The following TOP2B variants were observed in gnomAD, a reference collection of about 807,000 sequenced individuals.
The protein encoded by TOP2B is DNA topoisomerase II beta.
In TOP2B, 51 loss-of-function variants were observed where a neutral mutation model predicts 193.5. That is an observed-to-expected ratio of 0.26 (90% CI 0.21 to 0.33). The LOEUF is 0.33. TOP2B is among the 10% of genes least tolerant of loss of function. The pLI is 1.00. For missense variants in TOP2B, 1,378 were observed against 1,909.3 expected (o/e 0.72, Z 5.19); for synonymous variants, 634 against 635.7 (o/e 1.00, Z 0.04).
At position 25,633,734 on chromosome 3, in the gene TOP2B, A is replaced by G. The variant is rs930673122; in HGVS notation, c.1026+107T>C. The stretch of plus-strand genomic sequence containing the variant: ...CATAAGTCAATTCTTATTTAACAAA[A>G]ACAGATTTGGGTTTTTTGGGGGTTG... On this transcript the variant is annotated intron_variant, in intron 8 of 35. Transcript: ENST00000264331. 12 of 957,970 alleles carry G rather than the reference A, an allele frequency of 1.3e-5. No individual in the cohort carries two copies. The African/African-American group carries it at 2.0e-4, about 16-fold the overall frequency. 59.3% of individuals were successfully genotyped at this position (957,970 alleles called of 1,614,324 possible). A position where few individuals can be genotyped will look rare whatever the true frequency, so the allele number is the denominator to read the frequency against.
In TOP2B at chr3:25,604,771, G is replaced by A; in HGVS notation, c.4478C>T (p.Ala1493Val). The change falls in exon 33 of 36, where the codon GCT (alanine) becomes GTT (valine). Residue 1493 changes from alanine to valine, a missense_variant. By Grantham distance (64) the Ala-to-Val change is moderately conservative. This residue lies in a region of TOP2B where 556 missense variants were observed against 584.2 expected (regional missense o/e 0.95). Coordinates refer to ENST00000264331, the MANE Select transcript of TOP2B (RefSeq NM_001330700.2). Reference protein sequence around the residue: ...QTDKVPSKTVAAKKGKPSSDT... With the variant: ...QTDKVPSKTVVAKKGKPSSDT... ...ATATAAGTACATACCCTTTTTAGCA[G>A]CTACCGTTTTACTTGGAACTTTATC... 1 of 1,611,150 alleles carries A rather than the reference G, an allele frequency of 6.2e-7. No homozygotes were observed. Among genetic ancestry groups the A allele is most frequent in the South Asian group, 1.1e-5 (1 of 90,902 alleles).
chr3:25,648,021 T>C (rs1441807940), intron 1 of TOP2B, among the ~76,000 whole-genome samples: 1 of 151,902 alleles, frequency 6.6e-6, no homozygotes, highest in Non-Finnish European at 1.5e-5. Context: ...AAGGCAAGAT[T>C]GAGAAAAACA....
At chr3:25,603,882 G>C (rs928266936) in intron 33 of TOP2B, among the ~76,000 whole-genome samples, 1 of 152,184 alleles carries the variant, frequency 6.6e-6, no homozygotes, top group African/African-American at 2.4e-5. Context: ...TGGGAGCAGG[G>C]GGGTGTTAAT....
At chr3:25,641,572 G>A (rs577409379) in intron 4 of TOP2B, among the ~76,000 whole-genome samples, 1 of 152,024 alleles carries the variant, frequency 6.6e-6, no homozygotes, top group East Asian at 1.9e-4. Context: ...CAGTTATATG[G>A]TAACATTTTC....
At chr3:25,650,833 T>C (rs994682241) in intron 1 of TOP2B, among the ~76,000 whole-genome samples, 1 of 152,216 alleles carries the variant, frequency 6.6e-6, no homozygotes, top group East Asian at 1.9e-4. Context: ...ATTTGAGGCA[T>C]TGGCCCTGTA....
chr3:25,664,152 C>T, intron 1 of TOP2B, 77 bp downstream of exon 1: 3 of 1,526,428 alleles, frequency 2.0e-6, no homozygotes, highest in Non-Finnish European at 2.6e-6. Context: ...CTTTCCCCTC[C>T]CCCGCCCGTT....
chr3:25,605,915 T>A (rs1702226592), intron 32 of TOP2B, 128 bp downstream of exon 32: 1 of 494,290 alleles, frequency 2.0e-6, no homozygotes. Flanking sequence ...GAGCAAAATA[T>A]AAAAAGGAAG....
At chr3:25,622,666 A>C (rs1040723559) in intron 21 of TOP2B, among the ~76,000 whole-genome samples, 1 of 146,220 alleles carries the variant, frequency 6.8e-6, no homozygotes, top group South Asian at 2.2e-4. Flanking sequence ...TGGGAGACGG[A>C]GTCTCATTCT....
At position 25,607,290 on chromosome 3, in the gene TOP2B, C is replaced by T. The variant is rs1362331781; in HGVS notation, c.4179G>A (p.Glu1393=). The T allele has an allele frequency of 1.9e-6, 3 of 1,563,210 alleles. No individual in the cohort carries two copies. Among genetic ancestry groups the T allele is most frequent in the East Asian group, 2.4e-5 (1 of 42,526 alleles). Residue 1393 remains glutamate (E), a synonymous_variant, in exon 31 of 36, where the codon GAG becomes GAA. Coordinates refer to ENST00000264331, the MANE Select transcript of TOP2B (RefSeq NM_001330700.2). The stretch of plus-strand genomic sequence containing the variant: ...TGGGAGATGCTTTAACTTTCAATTC[C>T]TCTAAATCATTATTGTCATCATCAT... ...DDDDDDNNDL[E]ELKVKASPIT... is the part of the protein sequence containing the mutation.
At chr3:25,612,019 T>G (rs920336382) in intron 28 of TOP2B, among the ~76,000 whole-genome samples, 6 of 152,124 alleles carry the variant, frequency 3.9e-5, no homozygotes, top group Non-Finnish European at 7.4e-5. Context: ...CTCGGCTCAC[T>G]GCAAGCTCCG....
intron 28 of TOP2B, among the ~76,000 whole-genome samples, chr3:25,611,275 G>A (rs987207138): frequency 3.9e-5 from 6 of 152,160 alleles, no homozygotes; most frequent in East Asian, 1.9e-4. Context: ...ACCATCTTCC[G>A]AGGGAGACAG....
intron 26 of TOP2B, 40 bp from the exon 27 acceptor site, chr3:25,615,328 A>C (rs1452051056): frequency 1.8e-5 from 29 of 1,580,468 alleles, no homozygotes; most frequent in Non-Finnish European, 2.4e-5. Context: ...CAATAGTTTT[A>C]AAACATATGA....
In TOP2B at chr3:25,636,058, G is replaced by C. The variant is rs1224916396; in HGVS notation, c.730C>G (p.Leu244Val). ...DYTCITFQPD[L>V]SKFKMEKLDK... ...AGTTTTTCCATCTTAAATTTGGACA[G>C]ATCTGGTTGGAATGTTATGCATGTG... is the stretch of plus-strand genomic sequence containing the variant. The change falls in exon 7 of 36, where the codon CTG becomes GTG. Residue 244 changes from leucine (L) to valine (V), a missense_variant. By Grantham distance (32) the Leu-to-Val change is conservative. This residue lies in a region of TOP2B where 222 missense variants were observed against 306.6 expected (regional missense o/e 0.72). Coordinates refer to ENST00000264331, the MANE Select transcript of TOP2B (RefSeq NM_001330700.2). 1.2e-6 allele frequency: 2 copies of C among 1,613,180 alleles called. No homozygotes were observed. The highest frequency in any genetic ancestry group is 1.7e-6 in the Non-Finnish European group (2 of 1,179,454).
At chr3:25,605,572 T>C (rs930356533) in intron 32 of TOP2B, among the ~76,000 whole-genome samples, 1 of 152,194 alleles carries the variant, frequency 6.6e-6, no homozygotes, top group African/African-American at 2.4e-5. Flanking sequence ...AAAAATTCCA[T>C]ACACAAAAAA....
In TOP2B at chr3:25,630,107, T is replaced by C. The variant is rs1291547564; in HGVS notation, c.1611A>G (p.Leu537=). 1 of 1,596,378 alleles carries C rather than the reference T, an allele frequency of 6.3e-7. No homozygotes were observed. Among genetic ancestry groups the C allele is most frequent in the Non-Finnish European group, 8.5e-7 (1 of 1,170,038 alleles). The change falls in exon 13 of 36, where the codon CTA becomes CTG. Residue 537 remains leucine, a synonymous_variant. Transcript: ENST00000264331. ...EINNIIKIVG[L]QYKKSYDDAE... Reference sequence around the variant, plus strand: ...CATCATCGTAACTTTTCTTATATTGTAGACCAACTATTTTAATAATATTAT... The same window carrying C: ...CATCATCGTAACTTTTCTTATATTGCAGACCAACTATTTTAATAATATTAT...
intron 1 of TOP2B, among the ~76,000 whole-genome samples, chr3:25,663,022 C>T (rs1703962939): frequency 6.6e-6 from 1 of 152,142 alleles, no homozygotes; most frequent in African/African-American, 2.4e-5. Flanking sequence ...TCTCCTGGCC[C>T]TAGTCCCTTC....
chr3:25,627,327 T>C (rs757780845), intron 15 of TOP2B, 31 bp from the exon 16 acceptor site: 2 of 1,372,174 alleles, frequency 1.5e-6, no homozygotes, highest in Non-Finnish European at 2.0e-6. Context: ...AAGTGAGTCA[T>C]GAATATCAAT....
intron 35 of TOP2B, 62 bp from the exon 36 acceptor site, chr3:25,598,539 T>TATCA (rs1701992480): frequency 7.7e-7 from 1 of 1,304,242 alleles, no homozygotes; most frequent in Non-Finnish European, 1.0e-6. Context: ...TATTAAGAAC[T>TATCA]ATCACTCCTT....
At chr3:25,610,183 C>CAAA (rs201683878) in intron 28 of TOP2B, among the ~76,000 whole-genome samples, 4 of 133,930 alleles carry the variant, frequency 3.0e-5, no homozygotes, top group Non-Finnish European at 6.5e-5. Flanking sequence ...AACTCTGTCT[C>CAAA]AAAAAAAAAA....
Sources: allele counts gnomAD v4.1 joint callset (sites outside exome capture counted in the v4.1 genomes callset), GRCh38; gene constraint gnomAD v4.1.1; regional missense constraint gnomAD v4.1.1; transcripts MANE v1.5; gene names NCBI Gene and HGNC (gene_info 2026-07-23, HGNC 2026-07-21).